The following RANBP1 variants were observed in gnomAD, a reference collection of about 807,000 sequenced individuals.
RANBP1 encodes RAN binding protein 1.
A neutral mutation model predicts 31.4 loss-of-function variants in RANBP1; 16 were observed. That is an observed-to-expected ratio of 0.51 (90% confidence interval 0.34 to 0.77). The LOEUF is 0.77. RANBP1 is among the 30% of genes least tolerant of loss of function. RANBP1 has a pLI of 0.01. For missense variants in RANBP1, 265 were observed against 362.0 expected (o/e 0.73, Z 2.17); for synonymous variants, 129 against 140.5 (o/e 0.92, Z 0.58).
At chr22:20,126,591 G>C in intron 5 of RANBP1, 1 of 1,538,354 alleles carries the variant, frequency 6.5e-7, no homozygotes, top group Non-Finnish European at 8.8e-7. Context: ...GCAGGCATTG[G>C]AGTCCGGGCA....
chr22:20,117,460 T>C (rs921663870), intron 1 of RANBP1: 2 of 1,195,746 alleles, frequency 1.7e-6, no homozygotes, highest in East Asian at 8.4e-5. Flanking sequence ...GCTGTACTGG[T>C]TTTGAATCGC....
chr22:20,117,521 G>C, intron 1 of RANBP1: 1 of 1,333,700 alleles, frequency 7.5e-7, no homozygotes. Flanking sequence ...GTCGTGGGGC[G>C]GAGGGAAGAG....
intron 3 of RANBP1, among the ~76,000 whole-genome samples, chr22:20,122,986 CTG>C (rs1431949484): frequency 3.9e-5 from 2 of 51,182 alleles, no homozygotes. Context: ...GGTCTGGTGT[CTG>C]GGGGGTGTGG....
intron 1 of RANBP1, 38 bp downstream of exon 1, chr22:20,116,468 G>A (rs1347445641): frequency 1.2e-6 from 2 of 1,612,904 alleles, no homozygotes; most frequent in Non-Finnish European, 8.5e-7. Flanking sequence ...TAGAGCCCGG[G>A]CTGAGGCCCC....
chr22:20,125,625 C>T (rs754993427), intron 4 of RANBP1, 189 bp downstream of exon 4: 2 of 1,484,388 alleles, frequency 1.3e-6, no homozygotes, highest in South Asian at 2.6e-5. Context: ...AGCGCCTTCC[C>T]CCTTAAACTC....
chr22:20,127,312 T>C lies in RANBP1; in HGVS notation c.*260T>C, dbSNP rs952152046. ...TTTCCATAGTGGAAACACTTATTTA[T>C]AGTCATCAAAAATAGTGAATAAAAA... On this transcript the variant is annotated 3_prime_UTR_variant, in exon 6 of 6. Coordinates refer to ENST00000430524, the MANE Select transcript of RANBP1 (RefSeq NM_001278639.2). 3.2e-6 allele frequency: 1 copy of C among 311,908 alleles called. No homozygotes were observed. Among genetic ancestry groups the C allele is most frequent in the Non-Finnish European group, 6.1e-6 (1 of 163,956 alleles). 19.3% of individuals were successfully genotyped at this position (311,908 alleles called of 1,614,324 possible). A position where few individuals can be genotyped will look rare whatever the true frequency, so the allele number is the denominator to read the frequency against.
At chr22:20,117,135 A>ACCGC (rs1216486798) in intron 1 of RANBP1, 2 of 578,518 alleles carry the variant, frequency 3.5e-6, no homozygotes, top group South Asian at 2.7e-5. Flanking sequence ...TTGGGGCTGT[A>ACCGC]CCGCCCGCCC....
intron 4 of RANBP1, chr22:20,125,736 C>T (rs778761913): frequency 4.6e-5 from 52 of 1,133,226 alleles, no homozygotes; most frequent in Non-Finnish European, 5.3e-5. Flanking sequence ...TTAGTTGTTG[C>T]GGAGCCTGAG....
intron 2 of RANBP1, among the ~76,000 whole-genome samples, chr22:20,121,640 G>C (rs550782580): frequency 1.3e-5 from 2 of 152,070 alleles, no homozygotes; most frequent in African/African-American, 4.8e-5. Flanking sequence ...GAACTCCTGC[G>C]CTCAAGGGAT....
At chr22:20,126,820 C>T in intron 5 of RANBP1, 132 bp from the exon 6 acceptor site, 4 of 1,376,322 alleles carry the variant, frequency 2.9e-6, no homozygotes, top group East Asian at 4.7e-5. Flanking sequence ...GCGGCTTGGC[C>T]AGGCAGGAGT....
chr22:20,116,815 G>A (rs1466539308), intron 1 of RANBP1: 2 of 1,466,038 alleles, frequency 1.4e-6, no homozygotes, highest in East Asian at 2.5e-5. Flanking sequence ...TCTCTGGCAG[G>A]TTTCCTGACC....
intron 1 of RANBP1, among the ~76,000 whole-genome samples, chr22:20,118,532 A>T (rs555774424): frequency 6.6e-6 from 1 of 152,374 alleles, no homozygotes; most frequent in South Asian, 2.1e-4. Context: ...GAGCACAACT[A>T]TTTCCTAATT....
At chr22:20,116,604 C>G (rs1365553614) in intron 1 of RANBP1, 174 bp downstream of exon 1, 1 of 1,539,124 alleles carries the variant, frequency 6.5e-7, no homozygotes, top group African/African-American at 1.4e-5. Flanking sequence ...TCTCCATGGG[C>G]TTCGGGCCCT....
chr22:20,118,380 C>T (rs1231265940), intron 1 of RANBP1: 3 of 989,814 alleles, frequency 3.0e-6, no homozygotes, highest in Non-Finnish European at 3.7e-6. Context: ...CTAAATTGGG[C>T]CAGGATTTCA....
At chr22:20,116,823 A>ACCCCCCCCCCCCCCC in intron 1 of RANBP1, 1 of 1,294,022 alleles carries the variant, frequency 7.7e-7, no homozygotes, top group Non-Finnish European at 1.1e-6. Flanking sequence ...AGGTTTCCTG[A>ACCCCCCCCCCCCCCC]CCCACCCCGC....
chr22:20,117,230 C>T lies in RANBP1; in HGVS notation c.246+800C>T, dbSNP rs2050055455. On this transcript the variant is annotated intron_variant, in intron 1 of 5. Transcript: ENST00000430524. ...GGCGGAGGCCGAGCGTCTCTATGAT[C>T]CTGGCTTCTGGCAACGTCATCGTCA... is the stretch of plus-strand genomic sequence containing the variant. The T allele has an allele frequency of 5.6e-6, 3 of 537,234 alleles. No homozygotes were observed. In the South Asian group the frequency reaches 1.0e-4, roughly 18 times the overall value. 33.3% of individuals were successfully genotyped at this position (537,234 alleles called of 1,614,324 possible). A position where few individuals can be genotyped will look rare whatever the true frequency, so the allele number is the denominator to read the frequency against.
rs372768586 is a variant in RANBP1 at position 20,116,907 on chromosome 22, C to T, written c.246+477C>T. 1.4e-5 allele frequency: 22 copies of T among 1,581,566 alleles called. No individual in the cohort carries two copies. In the African/African-American group the frequency reaches 2.3e-4, roughly 17 times the overall value. Reference sequence around the variant, plus strand: ...CCTCGTTGTCGAGGTTCTCACTCATCGCCCAGGCGGTTCTCCGCCTAGACC... The same window carrying T: ...CCTCGTTGTCGAGGTTCTCACTCATTGCCCAGGCGGTTCTCCGCCTAGACC... On this transcript the variant is annotated intron_variant, in intron 1 of 5. Transcript: ENST00000430524.
In RANBP1 at chr22:20,116,324, G is replaced by A. The variant is rs531731507; in HGVS notation, c.140G>A (p.Ser47Asn). 1.2e-6 allele frequency: 2 copies of A among 1,612,986 alleles called. No individual in the cohort carries two copies. The highest frequency in any genetic ancestry group is 1.3e-5 in the African/African-American group (1 of 75,080). ...AAGGCGCAGGGTGGTTGCCCAAAGA[G>A]TTTGGTTTTGTGGGGCTGCAGACCA... is the stretch of plus-strand genomic sequence containing the variant. ...VTKAQGGCPK[S>N]LVLWGCRPKR... Residue 47 changes from serine to asparagine, a missense_variant, in exon 1 of 6, where the codon AGT becomes AAT. Physicochemically the swap from Ser to Asn is conservative, Grantham distance 46. Around this residue, in one of 3 missense-constraint regions of RANBP1, gnomAD observed 126 missense variants for 123.6 expected, o/e 1.02. Coordinates refer to ENST00000430524, the MANE Select transcript of RANBP1 (RefSeq NM_001278639.2).
chr22:20,121,480 G>A (rs1320328486), intron 2 of RANBP1, among the ~76,000 whole-genome samples: 1 of 151,918 alleles, frequency 6.6e-6, no homozygotes, highest in Non-Finnish European at 1.5e-5. Context: ...AACTCCCGAC[G>A]TCAGGTGATC....
Sources: gnomAD v4.1 joint callset for allele counts (sites outside exome capture counted in the v4.1 genomes callset) on GRCh38, gnomAD v4.1.1 for gene constraint, gnomAD v4.1.1 regional missense constraint, MANE v1.5 for transcripts, NCBI Gene and HGNC (gene_info 2026-07-23, HGNC 2026-07-21) for gene names.